The following CNTLN variants were observed in gnomAD, a reference collection of about 807,000 sequenced individuals.
The protein encoded by CNTLN is centlein.
In CNTLN, 212 loss-of-function variants were observed where a neutral mutation model predicts 180.0. That is an observed-to-expected ratio of 1.18 (90% CI 1.05 to 1.32). The LOEUF (loss-of-function observed/expected upper bound fraction) is 1.32, where lower values mean the gene tolerates loss of function less well. Ranked by LOEUF, CNTLN falls within the 40% of genes most tolerant of loss-of-function variation. The pLI, the probability that CNTLN is intolerant of heterozygous loss-of-function variation, is 0.00. For synonymous variants in CNTLN, 722 were observed against 563.1 expected, an observed-to-expected ratio of 1.28 and a Z score of -3.99; for missense variants, 2,095 against 1,610.9, an observed-to-expected ratio of 1.30 and a Z score of -5.14.
At position 17,236,433 on chromosome 9, in the gene CNTLN, AAAG is replaced by A; in HGVS notation, c.699_701del (p.Glu234del). ...GGACACTAAGGAGTGTGTACAGAAC[AAAG>A]AAGAGCAAAACAGACTAGTTATAAA... On this transcript the variant is annotated inframe_deletion, in exon 5 of 26. Transcript: ENST00000380647. 1.2e-6 allele frequency: 2 copies of A among 1,613,354 alleles called. No individual in the cohort carries two copies. The highest frequency in any genetic ancestry group is 1.7e-6 in the Non-Finnish European group (2 of 1,179,560).
intron 25 of CNTLN, among the ~76,000 whole-genome samples, chr9:17,496,116 C>A (rs4466495): frequency 0.35 from 52,755 of 151,990 alleles, 9,585 homozygotes; most frequent in East Asian, 0.52. Flanking sequence ...TCACTATCCA[C>A]ATTCATCCAG....
chr9:17,250,413 C>T (rs1342021664), intron 5 of CNTLN, among the ~76,000 whole-genome samples: 1 of 151,758 alleles, frequency 6.6e-6, no homozygotes, highest in Non-Finnish European at 1.5e-5. Flanking sequence ...TTTCTTTTTA[C>T]AGCTTTTTAT....
chr9:17,347,467 G>C (rs948317472), intron 12 of CNTLN, among the ~76,000 whole-genome samples: 1 of 151,990 alleles, frequency 6.6e-6, no homozygotes, highest in Non-Finnish European at 1.5e-5. Flanking sequence ...TCAGGGGTTC[G>C]AGACCAGCCT....
At chr9:17,146,461 T>C (rs1449674214) in intron 2 of CNTLN, among the ~76,000 whole-genome samples, 1 of 152,196 alleles carries the variant, frequency 6.6e-6, no homozygotes, top group African/African-American at 2.4e-5. Flanking sequence ...GTGATAATAT[T>C]GATGAGGCCT....
chr9:17,298,154 C>G (rs760701455), intron 6 of CNTLN, 36 bp from the exon 7 acceptor site: 1 of 1,386,666 alleles, frequency 7.2e-7, no homozygotes, highest in Non-Finnish European at 9.4e-7. Flanking sequence ...TGATCTTTAT[C>G]CATACTTTTC....
intron 5 of CNTLN, among the ~76,000 whole-genome samples, chr9:17,260,592 A>G (rs1654561094): frequency 6.6e-6 from 1 of 151,184 alleles, no homozygotes; most frequent in East Asian, 1.9e-4. Context: ...TAGATGCATA[A>G]TTTGTGAAAA....
chr9:17,295,804 A>G (rs947043478), intron 6 of CNTLN, among the ~76,000 whole-genome samples: 1 of 152,104 alleles, frequency 6.6e-6, no homozygotes, highest in South Asian at 2.1e-4. Flanking sequence ...GTGTGGGGCG[A>G]TAGAAATAAA....
intron 25 of CNTLN, among the ~76,000 whole-genome samples, chr9:17,502,125 C>T (rs1284442618): frequency 6.6e-6 from 1 of 152,168 alleles, no homozygotes; most frequent in Non-Finnish European, 1.5e-5. Flanking sequence ...ATTTTCGGCT[C>T]TAACGCAGAC....
At chr9:17,302,646 A>C (rs765413515) in intron 7 of CNTLN, among the ~76,000 whole-genome samples, 5 of 152,196 alleles carry the variant, frequency 3.3e-5, no homozygotes, top group Admixed American at 6.5e-5. Flanking sequence ...ATTGCATGCT[A>C]TGATGTCCCA....
Position 17,488,435 on chromosome 9 carries a change from T to G in CNTLN, c.4119+1369T>G, listed in dbSNP as rs971833778. Among the ~76,000 whole-genome samples the G allele has an allele frequency of 9.2e-5, 14 of 152,280 alleles. No individual in the cohort carries two copies. The South Asian group carries it at 2.1e-3, about 23-fold the overall frequency. ...TGTAATGAGGTTTTTCTTTTCAACT[T>G]GAAAATGATAAAAATAAACTTTTTA... On this transcript the variant is annotated intron_variant, in intron 25 of 25. Transcript: ENST00000380647.
At chr9:17,223,013 C>T (rs1304672295) in intron 2 of CNTLN, among the ~76,000 whole-genome samples, 2 of 152,006 alleles carry the variant, frequency 1.3e-5, no homozygotes, top group Non-Finnish European at 2.9e-5. Context: ...CGTTCCAAGC[C>T]TCCCAACGGG....
At chr9:17,519,435 T>C in the CNTLN span, among the ~76,000 whole-genome samples, 1 of 152,196 alleles carries the variant, frequency 6.6e-6, no homozygotes, top group Non-Finnish European at 1.5e-5. Context: ...ATTTCTGAGC[T>C]TCTTGTTTAA....
intron 18 of CNTLN, among the ~76,000 whole-genome samples, chr9:17,436,168 A>G (rs1829762330): frequency 6.6e-6 from 1 of 152,140 alleles, no homozygotes; most frequent in Non-Finnish European, 1.5e-5. Flanking sequence ...AATATTACAT[A>G]TTTTCTCAAT....
intron 18 of CNTLN, among the ~76,000 whole-genome samples, chr9:17,433,152 T>A (rs532494823): frequency 3.9e-5 from 6 of 152,020 alleles, no homozygotes; most frequent in Non-Finnish European, 8.8e-5. Flanking sequence ...TGAGATATAA[T>A]AAAATTGAAG....
At position 17,415,938 on chromosome 9, in the gene CNTLN, AAATATGAAC is replaced by A; in HGVS notation, c.2891-22_2891-14del. ...TTTTACAATTTAAATCTAATTTTTA[AAATATGAAC>A]AATATTGTTTTTATGTAGTCAACAG... On this transcript the variant is annotated intron_variant, in intron 17 of 25. Coordinates refer to ENST00000380647, the MANE Select transcript of CNTLN (RefSeq NM_017738.4). 1 of 1,587,620 alleles carries A rather than the reference AAATATGAAC, an allele frequency of 6.3e-7. No homozygotes were observed. Among genetic ancestry groups the A allele is most frequent in the Non-Finnish European group, 8.6e-7 (1 of 1,165,304 alleles).
At chr9:17,149,512 C>CTTTTTTT (rs55691769) in intron 2 of CNTLN, among the ~76,000 whole-genome samples, 24 of 106,154 alleles carry the variant, frequency 2.3e-4, no homozygotes, top group African/African-American at 3.8e-4. Context: ...TTCTTTCTTT[C>CTTTTTTT]TTTTTTTTTT....
At chr9:17,173,815 T>C (rs1820554891) in intron 2 of CNTLN, among the ~76,000 whole-genome samples, 2 of 152,184 alleles carry the variant, frequency 1.3e-5, no homozygotes, top group Admixed American at 1.3e-4. Flanking sequence ...CACATGCAGT[T>C]ACAGGAAATA....
At chr9:17,188,005 A>G (rs1442774045) in intron 2 of CNTLN, among the ~76,000 whole-genome samples, 2 of 100,958 alleles carry the variant, frequency 2.0e-5, no homozygotes, top group Non-Finnish European at 4.0e-5. Context: ...CACTATATAT[A>G]TACACCATAT....
At chr9:17,496,334 C>G (rs1833454001) in intron 25 of CNTLN, among the ~76,000 whole-genome samples, 1 of 152,148 alleles carries the variant, frequency 6.6e-6, no homozygotes, top group Admixed American at 6.5e-5. Context: ...TCTGAGAAGT[C>G]CAAGATCAGG....
Sources: gnomAD v4.1 joint callset for allele counts (sites outside exome capture counted in the v4.1 genomes callset) on GRCh38, gnomAD v4.1.1 for gene constraint, MANE v1.5 for transcripts, NCBI Gene and HGNC (gene_info 2026-07-23, HGNC 2026-07-21) for gene names.